Variants in PCDHGA6 observed in about 807,000 individuals in gnomAD.
PCDHGA6 encodes the protein protocadherin gamma-A6.
A neutral mutation model predicts 60.6 loss-of-function variants in PCDHGA6; 41 were observed. That is an observed-to-expected ratio of 0.68 (90% CI 0.53 to 0.88). PCDHGA6 has a LOEUF of 0.88. Ranked by LOEUF, PCDHGA6 falls within the 40% of genes least tolerant of loss-of-function variation. PCDHGA6 has a pLI of 0.00. For synonymous variants in PCDHGA6, 594 were observed against 524.4 expected, an observed-to-expected ratio of 1.13 and a Z score of -1.81; for missense variants, 1,312 against 1,203.0, an observed-to-expected ratio of 1.09 and a Z score of -1.34.
chr5:141,445,272 T>C (rs1057201147), intron 1 of PCDHGA6, among the ~76,000 whole-genome samples: 1 of 152,236 alleles, frequency 6.6e-6, no homozygotes, highest in Non-Finnish European at 1.5e-5. Flanking sequence ...TCGAAACCAC[T>C]CTGCATAAGT....
intron 1 of PCDHGA6, among the ~76,000 whole-genome samples, chr5:141,438,325 A>C (rs1400796518): frequency 6.6e-6 from 1 of 151,948 alleles, no homozygotes; most frequent in African/African-American, 2.4e-5. Context: ...AATTTTTCTT[A>C]TACATGTCAT....
At position 141,476,503 on chromosome 5, in the gene PCDHGA6, C is replaced by T. The variant is rs1259213742; in HGVS notation, c.2425-18304C>T. 2 of 1,614,138 alleles carry T rather than the reference C, an allele frequency of 1.2e-6. No individual in the cohort carries two copies. ...TGGAAGTGGTGATCCAGGACATCAA[C>T]GACAACAATCCTGCTTTCCCTACCC... On this transcript the variant is annotated intron_variant, in intron 1 of 3. Transcript: ENST00000517434. The surrounding 1 kb of genome is among the most constrained non-coding windows in gnomAD (Gnocchi z 7.6).
chr5:141,491,937 AC>A lies in PCDHGA6; in HGVS notation c.2425-2865del. ...CTGTGGGCGAGGGGAGGTGGGACCG[AC>A]CCCCACCCCTACACTCAAAAAAGGC... On this transcript the variant is annotated intron_variant, in intron 1 of 3. Transcript: ENST00000517434. This position sits in a 1 kb window ranked among gnomAD's most constrained non-coding sequence, Gnocchi z 6.9. The A allele has an allele frequency of 3.4e-6, 4 of 1,164,304 alleles. No homozygotes were observed. Among genetic ancestry groups the A allele is most frequent in the Non-Finnish European group, 4.7e-6 (4 of 858,404 alleles). The allele number at this position is 1,164,304 out of a possible 1,614,324, so 72.1% of individuals were successfully genotyped here.
Position 141,490,866 on chromosome 5 carries a change from C to T in PCDHGA6, c.2425-3941C>T, listed in dbSNP as rs1408465290. The T allele has an allele frequency of 6.2e-7, 1 of 1,613,906 alleles. No homozygotes were observed. The highest frequency in any genetic ancestry group is 1.7e-5 in the Admixed American group (1 of 60,012). ...TGGGGGTTCGAGACTCCGGCTCTCC[C>T]CCATTGCATGCCAACACATCTCTGC... On this transcript the variant is annotated intron_variant, in intron 1 of 3. Coordinates refer to ENST00000517434, the MANE Select transcript of PCDHGA6 (RefSeq NM_018919.3). The surrounding 1 kb of genome is among the most constrained non-coding windows in gnomAD (Gnocchi z 5.4).
chr5:141,476,922 C>T lies in PCDHGA6; in HGVS notation c.2425-17885C>T. 4 of 1,614,120 alleles carry T rather than the reference C, an allele frequency of 2.5e-6. No individual in the cohort carries two copies. Among genetic ancestry groups the T allele is most frequent in the Non-Finnish European group, 2.5e-6 (3 of 1,180,050 alleles). On this transcript the variant is annotated intron_variant, in intron 1 of 3. Transcript: ENST00000517434. The surrounding 1 kb of genome is among the most constrained non-coding windows in gnomAD (Gnocchi z 7.6). ...ACGCGCGTGGTACAAGTCCTTGCAA[C>T]GGATCTGGATGAAGGCCCCAACGGT...
intron 1 of PCDHGA6, chr5:141,399,663 G>C: frequency 6.2e-7 from 1 of 1,613,624 alleles, no homozygotes; most frequent in Non-Finnish European, 8.5e-7. Context: ...TGGTGTTCGC[G>C]CAGCGCGCCT....
chr5:141,395,063 G>A, intron 1 of PCDHGA6: 3 of 1,614,168 alleles, frequency 1.9e-6, no homozygotes, highest in Non-Finnish European at 2.5e-6. Flanking sequence ...AGGCTTTCCT[G>A]CAGACCTATT....
intron 1 of PCDHGA6, chr5:141,393,248 C>A: frequency 4.3e-6 from 7 of 1,613,798 alleles, no homozygotes; most frequent in Non-Finnish European, 5.9e-6. Flanking sequence ...TTAACGAAAT[C>A]GCGGTTCCTG....
At chr5:141,409,576 G>C (rs1238671221) in intron 1 of PCDHGA6, 52 of 1,613,806 alleles carry the variant, frequency 3.2e-5, no homozygotes, top group Non-Finnish European at 4.2e-5. Flanking sequence ...CGTCCTACGT[G>C]GTCCACGTGG....
Position 141,432,878 on chromosome 5 carries a change from TTCGTCA to T in PCDHGA6, c.2424+56374_2424+56379del. 6.2e-7 allele frequency: 1 copy of T among 1,614,178 alleles called. No individual in the cohort carries two copies. The highest frequency in any genetic ancestry group is 1.7e-5 in the Admixed American group (1 of 60,036). Reference sequence around the variant, plus strand: ...CGCGGTCTCCTGCGTCTTCCTGGCCTTCGTCATCTTGCTGCTGGCGCTCAGGCTGCG... The same window carrying T: ...CGCGGTCTCCTGCGTCTTCCTGGCCTTCTTGCTGCTGGCGCTCAGGCTGCG... On this transcript the variant is annotated intron_variant, in intron 1 of 3. Transcript: ENST00000517434. This position sits in a 1 kb window ranked among gnomAD's most constrained non-coding sequence, Gnocchi z 6.0.
intron 1 of PCDHGA6, chr5:141,404,243 C>A: frequency 6.2e-7 from 1 of 1,613,810 alleles, no homozygotes; most frequent in Non-Finnish European, 8.5e-7. Flanking sequence ...AGGAACTCCG[C>A]CCCTGTCCAC....
intron 1 of PCDHGA6, chr5:141,410,118 G>C: frequency 1.2e-6 from 2 of 1,612,422 alleles, no homozygotes; most frequent in African/African-American, 2.7e-5. Flanking sequence ...GACGCAGCCC[G>C]CCAGCGCCTG....
At chr5:141,507,563 G>A (rs2099861587) in intron 3 of PCDHGA6, among the ~76,000 whole-genome samples, 1 of 152,222 alleles carries the variant, frequency 6.6e-6, no homozygotes, top group Non-Finnish European at 1.5e-5. Flanking sequence ...CAGGCGGCTG[G>A]GTCTGAGGAG....
Position 141,485,117 on chromosome 5 carries a change from G to A in PCDHGA6, c.2425-9690G>A. The A allele has an allele frequency of 3.0e-6, 4 of 1,326,200 alleles. No homozygotes were observed. The highest frequency in any genetic ancestry group is 4.3e-6 in the Non-Finnish European group (4 of 933,470). 82.2% of individuals were successfully genotyped at this position (1,326,200 alleles called of 1,614,324 possible). On this transcript the variant is annotated intron_variant, in intron 1 of 3. Transcript: ENST00000517434. The surrounding 1 kb of genome is among the most constrained non-coding windows in gnomAD (Gnocchi z 5.7). ...GTCTCCAGCTGCTGTGGCTGTTTGG[G>A]GCGGGTCGGCTTCATCCGCGTCTCA...
intron 1 of PCDHGA6, chr5:141,383,022 AG>A: frequency 6.2e-7 from 1 of 1,613,826 alleles, no homozygotes; most frequent in Non-Finnish European, 8.5e-7. Context: ...AGACGGACAA[AG>A]GGTCCTTTGT....
chr5:141,440,960 A>C (rs1467379261), intron 1 of PCDHGA6: 2 of 152,248 alleles, frequency 1.3e-5, no homozygotes, highest in Non-Finnish European at 2.9e-5. Flanking sequence ...CAAGGCAGAG[A>C]TCACATATGG....
Position 141,415,748 on chromosome 5 carries a change from T to G in PCDHGA6, c.2424+39241T>G, listed in dbSNP as rs1345423849. On this transcript the variant is annotated intron_variant, in intron 1 of 3. Transcript: ENST00000517434. ...ATTTGATGTTTATTAAGGTTTTTTT[T>G]TTTTTTTTTTTTTTTTTTTTTTTTA... is the stretch of plus-strand genomic sequence containing the variant. 87 of 1,008,904 alleles carry G rather than the reference T, an allele frequency of 8.6e-5. No individual in the cohort carries two copies. The Middle Eastern group carries it at 1.2e-3, about 13-fold the overall frequency. 62.5% of individuals were successfully genotyped at this position (1,008,904 alleles called of 1,614,324 possible).
At chr5:141,463,412 A>G (rs1397215687) in intron 1 of PCDHGA6, among the ~76,000 whole-genome samples, 9 of 127,856 alleles carry the variant, frequency 7.0e-5, no homozygotes, top group Non-Finnish European at 1.5e-4. Flanking sequence ...TGGAGATCCT[A>G]GTTTGCGGAT....
rs768933228 is a variant in PCDHGA6 at position 141,376,482 on chromosome 5, C to T, written c.2399C>T (p.Thr800Met). 4.3e-6 allele frequency: 7 copies of T among 1,614,148 alleles called. No homozygotes were observed. Among genetic ancestry groups the T allele is most frequent in the South Asian group, 1.1e-5 (1 of 91,088 alleles). The change falls in exon 1 of 4, where the codon ACG becomes ATG. Residue 800 changes from threonine to methionine, a missense_variant. Thr to Met is a moderately conservative substitution (Grantham distance 81). Coordinates refer to ENST00000517434, the MANE Select transcript of PCDHGA6 (RefSeq NM_018919.3). ...PLLITQDLLETKGEPRQLQQA... is the reference protein window; with the variant it reads ...PLLITQDLLEMKGEPRQLQQA... The stretch of plus-strand genomic sequence containing the variant: ...CTGATAACTCAGGATTTACTTGAAA[C>T]GAAAGGAGAACCCAGGCAACTTCAG...
Sources: gnomAD v4.1 joint callset for allele counts (sites outside exome capture counted in the v4.1 genomes callset) on GRCh38, gnomAD v4.1.1 for gene constraint, Gnocchi (gnomAD v3.1) non-coding constraint, MANE v1.5 for transcripts, NCBI Gene and HGNC (gene_info 2026-07-23, HGNC 2026-07-21) for gene names.